LRFN2: variants seen among roughly 807,000 people sequenced by gnomAD.
LRFN2 encodes the protein leucine rich repeat and fibronectin type III domain containing 2, also known as leucine-rich repeat and fibronectin type-III domain-containing protein 2.
Under a neutral mutation model 37.3 loss-of-function variants are expected in LRFN2, and 18 were observed. That is an observed-to-expected ratio of 0.48 (90% CI 0.33 to 0.72). The LOEUF is 0.72. Among genes scored for constraint, LRFN2 ranks in the 30% least tolerant of loss-of-function variants. The pLI, the probability that LRFN2 is intolerant of heterozygous loss-of-function variation, is 0.02. For synonymous variants in LRFN2, 556 were observed against 466.6 expected (o/e 1.19, Z -2.47); for missense variants, 1,006 against 1,060.7 (o/e 0.95, Z 0.72).
chr6:40,574,497 C>T (rs533479700), intron 1 of LRFN2, among the ~76,000 whole-genome samples: 45 of 152,246 alleles, frequency 3.0e-4, no homozygotes, highest in African/African-American at 1.1e-3. Context: ...GAGTTATGCT[C>T]CCAGTTTGTG....
At position 40,569,344 on chromosome 6, in the gene LRFN2, G is replaced by A. The variant is rs1767146634; in HGVS notation, c.-19+17597C>T. On this transcript the variant is annotated intron_variant, in intron 1 of 2. Coordinates refer to ENST00000338305, the MANE Select transcript of LRFN2 (RefSeq NM_020737.3). Reference sequence around the variant, plus strand: ...TAGACCTCAGGGCTTTCAGGGGGTAGGGCAGGGATCATAAATGAGGAAGTG... The same window carrying A: ...TAGACCTCAGGGCTTTCAGGGGGTAAGGCAGGGATCATAAATGAGGAAGTG... 2.0e-5 allele frequency among the ~76,000 whole-genome samples: 3 copies of A among 152,186 alleles called. No homozygotes were observed. In the South Asian group the frequency reaches 6.2e-4, roughly 32 times the overall value.
chr6:40,398,316 G>T (rs1320354776), intron 2 of LRFN2, among the ~76,000 whole-genome samples: 1 of 151,908 alleles, frequency 6.6e-6, no homozygotes, highest in African/African-American at 2.4e-5. Context: ...TTGGTTTAGA[G>T]AATTTGGTTG....
chr6:40,467,930 G>A (rs978679556), intron 1 of LRFN2, among the ~76,000 whole-genome samples: 3 of 152,060 alleles, frequency 2.0e-5, no homozygotes, highest in Non-Finnish European at 2.9e-5. Context: ...CCTTGTCATA[G>A]GCAGTCTCCA....
At chr6:40,566,655 G>T (rs1438492211) in intron 1 of LRFN2, among the ~76,000 whole-genome samples, 2 of 151,152 alleles carry the variant, frequency 1.3e-5, no homozygotes, top group Admixed American at 1.3e-4. Flanking sequence ...AACACCGCAT[G>T]TTCTCACTCA....
At chr6:40,523,429 T>G (rs1766146914) in intron 1 of LRFN2, among the ~76,000 whole-genome samples, 1 of 151,580 alleles carries the variant, frequency 6.6e-6, no homozygotes, top group South Asian at 2.1e-4. Context: ...TGGTGAAGGA[T>G]AATTTAATCA....
At chr6:40,575,609 A>G (rs947116706) in intron 1 of LRFN2, among the ~76,000 whole-genome samples, 8 of 152,198 alleles carry the variant, frequency 5.3e-5, no homozygotes, top group Non-Finnish European at 1.2e-4. Flanking sequence ...CAAGGTCCCC[A>G]GGCCTTTCCC....
chr6:40,460,261 T>C (rs751637315), intron 1 of LRFN2, among the ~76,000 whole-genome samples: 4 of 152,034 alleles, frequency 2.6e-5, no homozygotes, highest in Admixed American at 1.3e-4. Context: ...CAGTGAAAAA[T>C]CAGTCACCAG....
At chr6:40,476,688 A>T (rs779195839) in intron 1 of LRFN2, among the ~76,000 whole-genome samples, 6 of 152,326 alleles carry the variant, frequency 3.9e-5, no homozygotes, top group Non-Finnish European at 8.8e-5. Flanking sequence ...GCTCCCCTTA[A>T]TTCCCAGCAT....
intron 2 of LRFN2, among the ~76,000 whole-genome samples, chr6:40,409,673 C>T (rs767198900): frequency 7.2e-5 from 11 of 152,274 alleles, no homozygotes; most frequent in Admixed American, 2.0e-4. Flanking sequence ...AAACCTAAGA[C>T]GCACATCTAC....
chr6:40,430,997 A>G (rs1189118013), intron 2 of LRFN2, among the ~76,000 whole-genome samples: 1 of 152,172 alleles, frequency 6.6e-6, no homozygotes, highest in Non-Finnish European at 1.5e-5. Context: ...AAGGTAAGAA[A>G]CTGAGAATAC....
chr6:40,453,513 AACACACACACACACACACACAC>A (rs5875719), intron 1 of LRFN2, among the ~76,000 whole-genome samples: 3 of 119,740 alleles, frequency 2.5e-5, no homozygotes, highest in African/African-American at 9.2e-5. Context: ...CCCCAAGCCA[AACACACACACACACACACACAC>A]ACACACACAC....
chr6:40,448,674 G>A (rs150375817), intron 1 of LRFN2, among the ~76,000 whole-genome samples: 51 of 152,326 alleles, frequency 3.3e-4, no homozygotes, highest in African/African-American at 1.0e-3. Context: ...ACTATCTCCT[G>A]ACTTGTGGTG....
chr6:40,408,098 A>T (rs1762887198), intron 2 of LRFN2: 1 of 152,516 alleles, frequency 6.6e-6, no homozygotes, highest in African/African-American at 2.4e-5. Context: ...ATTCTTATTT[A>T]GTGAGTACAG....
chr6:40,545,505 C>T (rs1439110162), intron 1 of LRFN2, among the ~76,000 whole-genome samples: 1 of 152,180 alleles, frequency 6.6e-6, no homozygotes, highest in Non-Finnish European at 1.5e-5. Flanking sequence ...AGCACTGGGC[C>T]AACCCCTGGA....
chr6:40,508,364 C>A (rs1765601167), intron 1 of LRFN2, among the ~76,000 whole-genome samples: 1 of 152,226 alleles, frequency 6.6e-6, no homozygotes, highest in Admixed American at 6.5e-5. Flanking sequence ...GTAGCTGCAT[C>A]ACTCTCCCTG....
rs1208558140 is a variant in LRFN2, at chr6:40,392,183, G to T, written c.2130C>A (p.Leu710=). The T allele has an allele frequency of 1.3e-6, 2 of 1,593,258 alleles. No homozygotes were observed. Among genetic ancestry groups the T allele is most frequent in the Non-Finnish European group, 1.7e-6 (2 of 1,169,160 alleles). ...GPPAARARSL[L]PLPLEGKAKR... Reference sequence around the variant, plus strand: ...TGGCCTTGCCCTCCAACGGCAAGGGGAGCAGGCTCCTGGCCCGGGCCGCAG... The same window carrying T: ...TGGCCTTGCCCTCCAACGGCAAGGGTAGCAGGCTCCTGGCCCGGGCCGCAG... Residue 710 remains leucine (L), a synonymous_variant, in exon 3 of 3, where the codon CTC becomes CTA. Coordinates refer to ENST00000338305, the MANE Select transcript of LRFN2 (RefSeq NM_020737.3). The surrounding 1 kb of genome is among the most constrained non-coding windows in gnomAD (Gnocchi z 4.7).
chr6:40,574,187 T>TATATATA (rs1767235140), intron 1 of LRFN2, among the ~76,000 whole-genome samples: 1 of 152,114 alleles, frequency 6.6e-6, no homozygotes. Flanking sequence ...GACAAACACT[T>TATATATA]TAATAACATA....
At chr6:40,443,797 C>T (rs952380996) in intron 1 of LRFN2, among the ~76,000 whole-genome samples, 3 of 152,148 alleles carry the variant, frequency 2.0e-5, no homozygotes, top group African/African-American at 4.8e-5. Context: ...GGTGGCATAG[C>T]ACCCAGTGGG....
At chr6:40,563,306 G>C (rs1217563635) in intron 1 of LRFN2, among the ~76,000 whole-genome samples, 1 of 152,148 alleles carries the variant, frequency 6.6e-6, no homozygotes, top group East Asian at 1.9e-4. Context: ...AAGCACAGCA[G>C]CAGGGACAGC....
Sources: allele counts gnomAD v4.1 joint callset (sites outside exome capture counted in the v4.1 genomes callset), GRCh38; gene constraint gnomAD v4.1.1; non-coding constraint Gnocchi (gnomAD v3.1); transcripts MANE v1.5; gene names NCBI Gene and HGNC (gene_info 2026-07-23, HGNC 2026-07-21).